QTGAL: variants seen among roughly 807,000 people sequenced by gnomAD.
The protein encoded by QTGAL is BGnT-like protein 1.
the QTGAL span, among the ~76,000 whole-genome samples, chr17:82,970,598 G>GCGTGGCCGCGACCTCCCCACCCA: frequency 2.8e-5 from 2 of 72,552 alleles, no homozygotes; most frequent in African/African-American, 6.7e-5. Flanking sequence ...CTCCGCACCC[G>GCGTGGCCGCGACCTCCCCACCCA]GCGTGGCCGC....
the QTGAL span, among the ~76,000 whole-genome samples, chr17:83,013,220 G>C: frequency 6.6e-6 from 1 of 151,998 alleles, no homozygotes; most frequent in Non-Finnish European, 1.5e-5. Flanking sequence ...CTGAGCCCCA[G>C]GACCTGACAC....
At chr17:82,944,487 A>AGAT in the QTGAL span, 1 of 152,288 alleles carries the variant, frequency 6.6e-6, no homozygotes, top group African/African-American at 2.4e-5. Context: ...CTATGAACAA[A>AGAT]GATAAAGTGG....
At chr17:82,959,366 AGTGC>A in the QTGAL span, among the ~76,000 whole-genome samples, 6 of 138,056 alleles carry the variant, frequency 4.3e-5, no homozygotes, top group African/African-American at 1.7e-4. Flanking sequence ...TGTGCACGTG[AGTGC>A]GTGTGTGCAG....
At chr17:83,013,500 G>A in the QTGAL span, among the ~76,000 whole-genome samples, 601 of 128,098 alleles carry the variant, frequency 4.7e-3, 3 homozygotes, top group African/African-American at 0.016. Context: ...CAGCACACCC[G>A]TCCTGCCCTT....
At chr17:83,048,235 C>A in the QTGAL span, among the ~76,000 whole-genome samples, 1 of 152,160 alleles carries the variant, frequency 6.6e-6, no homozygotes, top group African/African-American at 2.4e-5. Context: ...ACCATGTTGG[C>A]CACGCTGGTC....
chr17:82,957,915 C>G, the QTGAL span, among the ~76,000 whole-genome samples: 1 of 152,146 alleles, frequency 6.6e-6, no homozygotes, highest in Admixed American at 6.5e-5. Flanking sequence ...GTCGCTGCCC[C>G]GAACCCTTCC....
At chr17:82,983,755 G>C in the QTGAL span, among the ~76,000 whole-genome samples, 1 of 152,210 alleles carries the variant, frequency 6.6e-6, no homozygotes, top group East Asian at 1.9e-4. Flanking sequence ...GCCCCGGGGC[G>C]GAGGAGGGTG....
At chr17:83,033,597 G>A in the QTGAL span, among the ~76,000 whole-genome samples, 44,856 of 148,812 alleles carry the variant, frequency 0.3, 7,322 homozygotes, top group African/African-American at 0.44. Flanking sequence ...TCAGCCTCCC[G>A]AGTAGCTGGG....
At chr17:82,947,741 C>T in the QTGAL span, 4 of 152,518 alleles carry the variant, frequency 2.6e-5, no homozygotes, top group African/African-American at 9.6e-5. Context: ...GGCTGCGCCC[C>T]TTACCCCCAC....
chr17:83,018,974 G>C, the QTGAL span, among the ~76,000 whole-genome samples: 1 of 152,358 alleles, frequency 6.6e-6, no homozygotes, highest in East Asian at 1.9e-4. Context: ...TGATGTACTA[G>C]GGGAGCTCCT....
the QTGAL span, chr17:82,942,243 A>G: frequency 3.9e-5 from 24 of 623,178 alleles, no homozygotes; most frequent in African/African-American, 3.9e-4. Flanking sequence ...CGCTCCCCAG[A>G]TGGGGTGCCC....
the QTGAL span, chr17:82,946,871 A>G: frequency 3.2e-6 from 5 of 1,545,744 alleles, no homozygotes; most frequent in Non-Finnish European, 3.5e-6. Flanking sequence ...TTCGGTGAAA[A>G]GACCCACCTG....
At chr17:82,944,770 C>T in the QTGAL span, 1 of 152,174 alleles carries the variant, frequency 6.6e-6, no homozygotes, top group African/African-American at 2.4e-5. Context: ...CTTGGAGATC[C>T]TGAGGGTTTC....
the QTGAL span, chr17:83,007,335 GGT>G: frequency 1.1e-6 from 1 of 949,954 alleles, no homozygotes; most frequent in Non-Finnish European, 1.3e-6. Context: ...TAAACTGTTT[GGT>G]GTGTCTGTTT....
the QTGAL span, chr17:83,034,982 A>T: frequency 7.2e-7 from 1 of 1,390,356 alleles, no homozygotes; most frequent in Non-Finnish European, 1.0e-6. Flanking sequence ...TCATTTAATT[A>T]TTCAACCAAC....
chr17:83,051,521 G>A, the QTGAL span, among the ~76,000 whole-genome samples: 1 of 152,310 alleles, frequency 6.6e-6, no homozygotes, highest in South Asian at 2.1e-4. Context: ...TGCAGATCTC[G>A]GCCGCGCCCC....
chr17:82,957,281 C>G, the QTGAL span: 2 of 1,614,134 alleles, frequency 1.2e-6, no homozygotes, highest in South Asian at 2.2e-5. Flanking sequence ...CAGCTCTGGA[C>G]AGGCCGGGGC....
the QTGAL span, among the ~76,000 whole-genome samples, chr17:83,033,534 T>C: frequency 0.3 from 44,395 of 148,756 alleles, 7,268 homozygotes; most frequent in African/African-American, 0.43. Context: ...TGCAGTGGCG[T>C]GATCTCGGCT....
At chr17:82,983,237 G>A in the QTGAL span, among the ~76,000 whole-genome samples, 2 of 152,140 alleles carry the variant, frequency 1.3e-5, no homozygotes, top group Non-Finnish European at 1.5e-5. Context: ...CCGAGATCAC[G>A]CCATTGCACT....
Sources: allele counts gnomAD v4.1 joint callset (sites outside exome capture counted in the v4.1 genomes callset), GRCh38; gene constraint gnomAD v4.1.1; transcripts MANE v1.5; gene names NCBI Gene and HGNC (gene_info 2026-07-23, HGNC 2026-07-21).